The following DSCAM variants were observed in gnomAD, a reference collection of about 807,000 sequenced individuals.
DSCAM encodes DS cell adhesion molecule.
A neutral mutation model predicts 217.7 loss-of-function variants in DSCAM; 47 were observed. The ratio of observed to expected loss-of-function variants is 0.22; its 90% confidence interval spans 0.17 to 0.28. The LOEUF (loss-of-function observed/expected upper bound fraction) is 0.28, where lower values mean the gene tolerates loss of function less well. Ranked by LOEUF, DSCAM falls within the 10% of genes least tolerant of loss-of-function variation. DSCAM has a pLI of 1.00. For missense variants in DSCAM, 2,080 were observed against 2,618.3 expected, an observed-to-expected ratio of 0.79 and a Z score of 4.49; for synonymous variants, 1,056 against 1,015.3, an observed-to-expected ratio of 1.04 and a Z score of -0.76.
At chr21:40,481,188 G>T (rs1476758559) in intron 3 of DSCAM, among the ~76,000 whole-genome samples, 1 of 152,096 alleles carries the variant, frequency 6.6e-6, no homozygotes, top group Non-Finnish European at 1.5e-5. Flanking sequence ...GTCACTTCCT[G>T]TAGAAAGACC....
At position 40,803,695 on chromosome 21, in the gene DSCAM, C is replaced by A. The variant is rs80349880; in HGVS notation, c.43+42924G>T. Among the ~76,000 whole-genome samples, 45 of 151,804 alleles carry A rather than the reference C, an allele frequency of 3.0e-4. 1 individual carries two copies. The East Asian group carries it at 8.5e-3, about 29-fold the overall frequency. On this transcript the variant is annotated intron_variant, in intron 1 of 32. Transcript: ENST00000400454. ...CTTTAGTATATATAGAATATACTGG[C>A]ATTTATGTATAGAATCTGTGGGTAA...
intron 3 of DSCAM, among the ~76,000 whole-genome samples, chr21:40,499,484 T>C (rs1376128537): frequency 6.6e-6 from 1 of 152,150 alleles, no homozygotes; most frequent in Admixed American, 6.5e-5. Context: ...AGATGAAAGA[T>C]CTCTGTTCTT....
At chr21:40,654,781 C>T (rs1379781675) in intron 3 of DSCAM, among the ~76,000 whole-genome samples, 2 of 152,160 alleles carry the variant, frequency 1.3e-5, no homozygotes, top group South Asian at 4.1e-4. Context: ...ACACCGGGCC[C>T]ATCCAGGTGA....
chr21:40,218,276 C>T (rs1470339083), intron 11 of DSCAM, among the ~76,000 whole-genome samples: 1 of 152,108 alleles, frequency 6.6e-6, no homozygotes, highest in Non-Finnish European at 1.5e-5. Context: ...TTGTTTTTGT[C>T]AGCTTTATCA....
chr21:40,330,196 A>T (rs2074361580), intron 8 of DSCAM, among the ~76,000 whole-genome samples: 1 of 149,838 alleles, frequency 6.7e-6, no homozygotes. Flanking sequence ...AATCATGTAT[A>T]TACATTTAAA....
intron 11 of DSCAM, among the ~76,000 whole-genome samples, chr21:40,222,436 C>A (rs1310746560): frequency 1.3e-5 from 2 of 152,154 alleles, no homozygotes; most frequent in Non-Finnish European, 2.9e-5. Context: ...GGGAATTAAT[C>A]TTTAAAAACC....
At chr21:40,799,909 G>C (rs560088894) in intron 1 of DSCAM, among the ~76,000 whole-genome samples, 8 of 152,316 alleles carry the variant, frequency 5.3e-5, no homozygotes, top group African/African-American at 1.9e-4. Context: ...GCTTTGGTTT[G>C]AATGTTTGTC....
chr21:40,758,985 CG>C (rs1303476706), intron 1 of DSCAM, among the ~76,000 whole-genome samples: 9 of 152,178 alleles, frequency 5.9e-5, no homozygotes, highest in Admixed American at 1.3e-4. Flanking sequence ...AAATAAAGAA[CG>C]CAAGTATGCT....
chr21:40,813,645 G>GTTTTTTTTTTTTT (rs869088003), intron 1 of DSCAM, among the ~76,000 whole-genome samples: 1 of 126,514 alleles, frequency 7.9e-6, no homozygotes, highest in African/African-American at 2.9e-5. Context: ...TTTCTTTCTT[G>GTTTTTTTTTTTTT]TTTTTTTTTT....
chr21:40,708,371 G>T, intron 2 of DSCAM, 83 bp downstream of exon 2: 1 of 1,191,216 alleles, frequency 8.4e-7, no homozygotes. Context: ...TCTCTGCTGT[G>T]ATGGCATTTT....
At chr21:40,697,514 A>C (rs1175910595) in intron 2 of DSCAM, among the ~76,000 whole-genome samples, 2 of 152,190 alleles carry the variant, frequency 1.3e-5, no homozygotes, top group Non-Finnish European at 2.9e-5. Flanking sequence ...TTTCATACAC[A>C]GTTAAAGACA....
At chr21:40,722,057 CT>C (rs1240231540) in intron 1 of DSCAM, among the ~76,000 whole-genome samples, 1 of 151,936 alleles carries the variant, frequency 6.6e-6, no homozygotes, top group African/African-American at 2.4e-5. Flanking sequence ...GAAAGAAAAA[CT>C]GTCAACCTAA....
chr21:40,606,739 G>T (rs2089244193), intron 3 of DSCAM, among the ~76,000 whole-genome samples: 1 of 152,176 alleles, frequency 6.6e-6, no homozygotes, highest in African/African-American at 2.4e-5. Context: ...ACATCTCTCT[G>T]CTCTGTTTTC....
chr21:40,605,623 G>A (rs2089224325), intron 3 of DSCAM, among the ~76,000 whole-genome samples: 1 of 152,070 alleles, frequency 6.6e-6, no homozygotes. Context: ...ACAAAAAAAG[G>A]GGTTGGGCCA....
intron 1 of DSCAM, among the ~76,000 whole-genome samples, chr21:40,737,376 G>A (rs1489505209): frequency 4.6e-5 from 7 of 152,224 alleles, no homozygotes; most frequent in East Asian, 3.9e-4. Context: ...AGTGGCTCAC[G>A]CCTGTAATGC....
chr21:40,822,235 C>T (rs1255653175), intron 1 of DSCAM, among the ~76,000 whole-genome samples: 1 of 144,978 alleles, frequency 6.9e-6, no homozygotes, highest in Admixed American at 7.2e-5. Context: ...GGGAGAATCA[C>T]TTGAACCCGG....
At chr21:40,828,626 C>A (rs1345472442) in intron 1 of DSCAM, among the ~76,000 whole-genome samples, 1 of 151,602 alleles carries the variant, frequency 6.6e-6, no homozygotes, top group Non-Finnish European at 1.5e-5. Context: ...CCAATCACAT[C>A]CTCCCTCAGG....
At chr21:40,757,541 G>A (rs1034994497) in intron 1 of DSCAM, among the ~76,000 whole-genome samples, 1 of 152,174 alleles carries the variant, frequency 6.6e-6, no homozygotes, top group Non-Finnish European at 1.5e-5. Context: ...CAGATGTGAT[G>A]CAAGCAGTTG....
At chr21:40,347,977 G>T in intron 5 of DSCAM, 32 bp from the exon 6 acceptor site, 1 of 1,591,510 alleles carries the variant, frequency 6.3e-7, no homozygotes, top group Non-Finnish European at 8.6e-7. Context: ...AGAGAAAAAA[G>T]ATAAAAACAT....
Sources: gnomAD v4.1 joint callset for allele counts (sites outside exome capture counted in the v4.1 genomes callset) on GRCh38, gnomAD v4.1.1 for gene constraint, MANE v1.5 for transcripts, NCBI Gene and HGNC (gene_info 2026-07-23, HGNC 2026-07-21) for gene names.